GALNT14: variants seen among roughly 807,000 people sequenced by gnomAD.
GALNT14 encodes polypeptide N-acetylgalactosaminyltransferase 14.
In GALNT14, 60 loss-of-function variants were observed where a neutral mutation model predicts 77.5. The ratio of observed to expected loss-of-function variants is 0.77; its 90% CI spans 0.63 to 0.96. GALNT14 has a LOEUF of 0.96. GALNT14 is among the 40% of genes least tolerant of loss of function. The probability of loss-of-function intolerance (pLI) is 0.00; values close to 1 mark genes in which losing one functional copy is unlikely to be tolerated. For synonymous variants in GALNT14, 280 were observed against 281.7 expected (o/e 0.99, Z 0.06); for missense variants, 710 against 731.0 (o/e 0.97, Z 0.33).
At chr2:31,026,288 A>C (rs1005460326) in intron 1 of GALNT14, among the ~76,000 whole-genome samples, 5 of 152,176 alleles carry the variant, frequency 3.3e-5, no homozygotes, top group African/African-American at 1.2e-4. Flanking sequence ...GCCTTGTAGA[A>C]GCTTTACTCT....
chr2:31,026,015 T>C (rs561900818), intron 1 of GALNT14, among the ~76,000 whole-genome samples: 1 of 152,262 alleles, frequency 6.6e-6, no homozygotes, highest in East Asian at 1.9e-4. Flanking sequence ...ATGTTAAACA[T>C]ATCTAAAAAA....
Position 30,942,210 on chromosome 2 carries a change from C to T in GALNT14, c.922G>A (p.Glu308Lys). 1 of 1,613,188 alleles carries T rather than the reference C, an allele frequency of 6.2e-7. No homozygotes were observed. The highest frequency in any genetic ancestry group is 8.5e-7 in the Non-Finnish European group (1 of 1,179,154). The change falls in exon 9 of 15, where the codon GAG becomes AAG. Residue 308 changes from glutamate (E) to lysine (K), a missense_variant. Transcript: ENST00000349752. Reference protein sequence around the residue: ...YDMDMDIWGGENFEISFRVWM... With the variant: ...YDMDMDIWGGKNFEISFRVWM... ...AGAGGCAGGGACTCACCAAAGTTCT[C>T]CCCACCCCAGATGTCCATGTCCATA...
intron 2 of GALNT14, among the ~76,000 whole-genome samples, chr2:30,984,502 T>C (rs1219425241): frequency 6.6e-6 from 1 of 152,156 alleles, no homozygotes; most frequent in South Asian, 2.1e-4. Flanking sequence ...CTGAATAAAC[T>C]CTAATCTCCT....
At position 30,995,384 on chromosome 2, in the gene GALNT14, A is replaced by C. The variant is rs568276155; in HGVS notation, c.130-2377T>G. ...AGGAACAGCTGTACAAATTTGTATT[A>C]TAGCCTAGGAGCAACAGGCTATACC... On this transcript the variant is annotated intron_variant, in intron 1 of 14. Transcript: ENST00000349752. 7.9e-5 allele frequency among the ~76,000 whole-genome samples: 12 copies of C among 152,330 alleles called. No homozygotes were observed. The South Asian group carries it at 2.5e-3, about 32-fold the overall frequency.
At chr2:30,943,100 C>T (rs559765335) in intron 8 of GALNT14, among the ~76,000 whole-genome samples, 4 of 152,222 alleles carry the variant, frequency 2.6e-5, no homozygotes, top group Non-Finnish European at 5.9e-5. Context: ...CTGTGGACAC[C>T]TTAATCTCGG....
At chr2:31,109,258 C>A (rs1413641644) in intron 1 of GALNT14, among the ~76,000 whole-genome samples, 1 of 152,200 alleles carries the variant, frequency 6.6e-6, no homozygotes, top group African/African-American at 2.4e-5. Context: ...ACTCTCACTG[C>A]AAAACCAAGA....
At chr2:31,091,343 C>T (rs1484584414) in intron 1 of GALNT14, among the ~76,000 whole-genome samples, 1 of 152,242 alleles carries the variant, frequency 6.6e-6, no homozygotes, top group Non-Finnish European at 1.5e-5. Context: ...CATTTGTTTA[C>T]ATATCATCTG....
intron 13 of GALNT14, among the ~76,000 whole-genome samples, chr2:30,918,733 G>A (rs1664850423): frequency 6.9e-6 from 1 of 145,230 alleles, no homozygotes; most frequent in African/African-American, 2.6e-5. Flanking sequence ...CAGGGAGGGG[G>A]GTATCAGGCA....
intron 1 of GALNT14, among the ~76,000 whole-genome samples, chr2:31,076,629 A>ATATATAT (rs1553373502): frequency 9.8e-6 from 1 of 101,892 alleles, no homozygotes; most frequent in African/African-American, 3.1e-5. Flanking sequence ...ATATATATAT[A>ATATATAT]TTTTTTTTTT....
At chr2:31,034,205 C>T (rs1386238877) in intron 1 of GALNT14, among the ~76,000 whole-genome samples, 1 of 152,160 alleles carries the variant, frequency 6.6e-6, no homozygotes, top group Non-Finnish European at 1.5e-5. Context: ...TCCCTTGCAC[C>T]AACCCTGACC....
intron 10 of GALNT14, among the ~76,000 whole-genome samples, chr2:30,931,854 G>C (rs1156932064): frequency 6.6e-6 from 1 of 152,030 alleles, no homozygotes; most frequent in Non-Finnish European, 1.5e-5. Flanking sequence ...AGCCTCAGAA[G>C]CATTAGGGAA....
chr2:30,888,567 A>G, the GALNT14 span, among the ~76,000 whole-genome samples: 1 of 152,172 alleles, frequency 6.6e-6, no homozygotes, highest in Admixed American at 6.5e-5. Context: ...GGTCGCTGGG[A>G]AGGGTGTTAC....
chr2:30,989,957 T>C (rs1669599951), intron 2 of GALNT14, among the ~76,000 whole-genome samples: 1 of 152,002 alleles, frequency 6.6e-6, no homozygotes, highest in Non-Finnish European at 1.5e-5. Context: ...AAAAGAAGGC[T>C]TGGCCTTGTC....
Position 31,073,485 on chromosome 2 carries a change from AGG to A in GALNT14, c.129+64471_129+64472del, listed in dbSNP as rs11347617. ...CAAAAATTAAATTTGGGGAATAAAG[AGG>A]GGGGGGGAACAGCATTTGGGGAACG... On this transcript the variant is annotated intron_variant, in intron 1 of 14. Transcript: ENST00000349752. Among the ~76,000 whole-genome samples the A allele has an allele frequency of 4.5e-3, 663 of 148,642 alleles. 7 individuals carry two copies. Among genetic ancestry groups the A allele is most frequent in the African/African-American group, 0.016 (627 of 39,742 alleles).
At chr2:30,888,199 G>C in the GALNT14 span, among the ~76,000 whole-genome samples, 3 of 152,146 alleles carry the variant, frequency 2.0e-5, no homozygotes, top group South Asian at 2.1e-4. Context: ...CTAGCCATCT[G>C]TCTGCACTCT....
At chr2:30,952,963 G>A (rs186743742) in intron 6 of GALNT14, among the ~76,000 whole-genome samples, 2 of 152,138 alleles carry the variant, frequency 1.3e-5, no homozygotes, top group African/African-American at 4.8e-5. Flanking sequence ...CTGAGTTTAA[G>A]TAAGGAACAC....
intron 2 of GALNT14, chr2:30,991,423 C>G (rs1044174279): frequency 2.6e-5 from 4 of 152,100 alleles, no homozygotes; most frequent in African/African-American, 9.7e-5. Flanking sequence ...CTCTCAGATG[C>G]CAAGGAGTAG....
intron 6 of GALNT14, among the ~76,000 whole-genome samples, chr2:30,953,143 C>T (rs1343205951): frequency 6.6e-6 from 1 of 152,114 alleles, no homozygotes; most frequent in African/African-American, 2.4e-5. Flanking sequence ...TGAATGGCAG[C>T]AGGACGACAT....
chr2:31,038,080 ATATATTTTTTTTTTTTT>A (rs1264686439), intron 1 of GALNT14, among the ~76,000 whole-genome samples: 15 of 72,440 alleles, frequency 2.1e-4, no homozygotes, highest in African/African-American at 1.0e-3. Flanking sequence ...ATATATATAT[ATATATTTTTTTTTTTTT>A]TTTTTTTTTT....
Sources: gnomAD v4.1 joint callset for allele counts (sites outside exome capture counted in the v4.1 genomes callset) on GRCh38, gnomAD v4.1.1 for gene constraint, MANE v1.5 for transcripts, NCBI Gene and HGNC (gene_info 2026-07-23, HGNC 2026-07-21) for gene names.